STAU1: variants seen among roughly 807,000 people sequenced by gnomAD.
STAU1 encodes staufen double-stranded RNA binding protein 1.
Under a neutral mutation model 62.9 loss-of-function variants are expected in STAU1, and 13 were observed. The observed-to-expected ratio is 0.21, with a 90% CI of 0.13 to 0.33. The LOEUF (loss-of-function observed/expected upper bound fraction) is 0.33, where lower values mean the gene tolerates loss of function less well. STAU1 is among the 10% of genes least tolerant of loss of function. STAU1 has a pLI of 1.00. For synonymous variants in STAU1, 269 were observed against 265.1 expected (o/e 1.01, Z -0.14); for missense variants, 571 against 712.1 (o/e 0.80, Z 2.25).
chr20:49,162,775 C>CA (rs933683643), intron 3 of STAU1, among the ~76,000 whole-genome samples: 4,539 of 77,082 alleles, frequency 0.059, 134 homozygotes, highest in South Asian at 0.17. Context: ...GACTCCGTCT[C>CA]AAAAAAAAAA....
chr20:49,215,344 C>T, the STAU1 span, among the ~76,000 whole-genome samples: 1 of 152,178 alleles, frequency 6.6e-6, no homozygotes, highest in African/African-American at 2.4e-5. Flanking sequence ...CTTATATCAC[C>T]TGTATGTATC....
the STAU1 span, among the ~76,000 whole-genome samples, chr20:49,198,642 C>T: frequency 6.6e-6 from 1 of 151,740 alleles, no homozygotes; most frequent in African/African-American, 2.4e-5. Context: ...CTAGCCTGGC[C>T]CACATGATAA....
At chr20:49,187,213 T>A (rs1430296037) in intron 1 of STAU1, among the ~76,000 whole-genome samples, 1 of 152,132 alleles carries the variant, frequency 6.6e-6, no homozygotes. Context: ...AGCTGGATGA[T>A]GGCGGGGCGG....
At chr20:49,164,287 C>G (rs1160427729) in intron 3 of STAU1, among the ~76,000 whole-genome samples, 1 of 151,842 alleles carries the variant, frequency 6.6e-6, no homozygotes, top group Non-Finnish European at 1.5e-5. Context: ...ACCACCTTGC[C>G]AGCCAAGAAG....
At chr20:49,125,333 A>G (rs1210702108) in intron 6 of STAU1, among the ~76,000 whole-genome samples, 1 of 150,936 alleles carries the variant, frequency 6.6e-6, no homozygotes, top group African/African-American at 2.4e-5. Context: ...GTTCAAGACC[A>G]GCCTGGCCAA....
upstream of STAU1, among the ~76,000 whole-genome samples, chr20:49,189,368 C>T (rs2093825328): frequency 6.6e-6 from 1 of 151,754 alleles, no homozygotes; most frequent in African/African-American, 2.4e-5. Flanking sequence ...GGCGCAGTGG[C>T]TCACGCCTGT....
At chr20:49,121,061 A>T (rs754687673) in intron 8 of STAU1, among the ~76,000 whole-genome samples, 1 of 151,970 alleles carries the variant, frequency 6.6e-6, no homozygotes, top group Non-Finnish European at 1.5e-5. Flanking sequence ...TACAGGCGTA[A>T]GCCATCAAGC....
chr20:49,217,373 G>A, the STAU1 span, among the ~76,000 whole-genome samples: 1 of 152,046 alleles, frequency 6.6e-6, no homozygotes, highest in South Asian at 2.1e-4. Context: ...AGGTACATGA[G>A]TCAGGTATAG....
At position 49,166,208 on chromosome 20, in the gene STAU1, T is replaced by G. The variant is rs41283568; in HGVS notation, c.-7A>C. 70 of 1,614,038 alleles carry G rather than the reference T, an allele frequency of 4.3e-5. No individual in the cohort carries two copies. Among genetic ancestry groups the G allele is most frequent in the Non-Finnish European group, 5.8e-5 (68 of 1,179,944 alleles). On this transcript the variant is annotated 5_prime_UTR_variant, in exon 3 of 14. Coordinates refer to ENST00000371856, the MANE Select transcript of STAU1 (RefSeq NM_017453.4). ...GCACTTGAACTTGAGACATGGTCAC[T>G]TTCAACAAAAGTGAACAAATGCAGG...
At chr20:49,176,454 A>C (rs560403793) in intron 1 of STAU1, among the ~76,000 whole-genome samples, 2 of 152,278 alleles carry the variant, frequency 1.3e-5, no homozygotes, top group Non-Finnish European at 2.9e-5. Context: ...GTAACACAGA[A>C]TTTCTTACCT....
chr20:49,115,554 G>A (rs1169389473), intron 13 of STAU1, among the ~76,000 whole-genome samples: 1 of 152,134 alleles, frequency 6.6e-6, no homozygotes, highest in Non-Finnish European at 1.5e-5. Context: ...ACCTGCCTTG[G>A]CCACCCAAAG....
intron 1 of STAU1, among the ~76,000 whole-genome samples, chr20:49,176,037 G>A (rs1022007463): frequency 5.3e-5 from 8 of 150,100 alleles, no homozygotes; most frequent in South Asian, 4.2e-4. Context: ...CTCGTGATCC[G>A]CCCGCCTCGG....
upstream of STAU1, among the ~76,000 whole-genome samples, chr20:49,189,843 A>G (rs552133647): frequency 6.6e-6 from 1 of 152,224 alleles, no homozygotes; most frequent in East Asian, 1.9e-4. Context: ...TCTCTTGCCA[A>G]CGGAATATAA....
chr20:49,202,465 G>A, the STAU1 span, among the ~76,000 whole-genome samples: 2 of 151,850 alleles, frequency 1.3e-5, no homozygotes, highest in Non-Finnish European at 2.9e-5. Flanking sequence ...TGGGGAGGCT[G>A]AGGCAGGAGA....
intron 6 of STAU1, among the ~76,000 whole-genome samples, chr20:49,133,449 TA>T (rs2092798043): frequency 6.6e-6 from 1 of 152,132 alleles, no homozygotes; most frequent in Non-Finnish European, 1.5e-5. Context: ...CATGACAGAC[TA>T]ATCTGTCAGC....
chr20:49,151,687 T>C lies in STAU1; in HGVS notation c.405A>G (p.Gly135=), dbSNP rs768467166. ...TCTTTCCTTTGCCATTAAATTGCTG[T>C]CCTCCCACAGAAAGTTCCACTTGAT... The part of the protein sequence containing the change: ...LLYQVELSVG[G]QQFNGKGKTR... The change falls in exon 5 of 14, where the codon GGA becomes GGG. Residue 135 remains glycine (G), a synonymous_variant. Coordinates refer to ENST00000371856, the MANE Select transcript of STAU1 (RefSeq NM_017453.4). The C allele has an allele frequency of 1.9e-6, 3 of 1,611,484 alleles. No homozygotes were observed. The highest frequency in any genetic ancestry group is 1.7e-4 in the Middle Eastern group (1 of 6,058).
At chr20:49,142,771 A>G (rs1212586967) in intron 5 of STAU1, among the ~76,000 whole-genome samples, 4 of 151,074 alleles carry the variant, frequency 2.6e-5, no homozygotes, top group Admixed American at 2.0e-4. Context: ...GCAAAAAAAC[A>G]TATTTGAAAA....
chr20:49,153,921 A>C lies in STAU1; in HGVS notation c.344+12T>G, dbSNP rs563424455. 45 of 1,560,072 alleles carry C rather than the reference A, an allele frequency of 2.9e-5. No individual in the cohort carries two copies. The Middle Eastern group carries it at 8.7e-4, about 30-fold the overall frequency. ...CTGTATTTTACAAAAAAAAAAAAAAAAAAACACATACCTCGGGGGATAAGC... is the reference window on the plus strand; with the variant it reads ...CTGTATTTTACAAAAAAAAAAAAAACAAAACACATACCTCGGGGGATAAGC... On this transcript the variant is annotated intron_variant, in intron 4 of 13. Transcript: ENST00000371856.
the STAU1 span, chr20:49,219,148 TA>T: frequency 3.8e-6 from 2 of 527,118 alleles, no homozygotes; most frequent in African/African-American, 3.9e-5. Context: ...CTAGAGTTTA[TA>T]AATGCAACTC....
Sources: allele counts gnomAD v4.1 joint callset (sites outside exome capture counted in the v4.1 genomes callset), GRCh38; gene constraint gnomAD v4.1.1; transcripts MANE v1.5; gene names NCBI Gene and HGNC (gene_info 2026-07-23, HGNC 2026-07-21).